CDH13: variants seen among roughly 807,000 people sequenced by gnomAD.
CDH13 encodes cadherin 13.
A neutral mutation model predicts 63.8 loss-of-function variants in CDH13; 24 were observed. The observed-to-expected ratio is 0.38, with a 90% CI of 0.27 to 0.53. CDH13 has a LOEUF of 0.53. Ranked by LOEUF, CDH13 falls within the 20% of genes least tolerant of loss-of-function variation. CDH13 has a pLI of 0.85. For missense variants in CDH13, 1,049 were observed against 903.1 expected, an observed-to-expected ratio of 1.16 and a Z score of -2.07; for synonymous variants, 503 against 355.3, an observed-to-expected ratio of 1.42 and a Z score of -4.67.
At chr16:83,049,778 T>C (rs2030082921) in intron 3 of CDH13, among the ~76,000 whole-genome samples, 2 of 152,212 alleles carry the variant, frequency 1.3e-5, no homozygotes, top group Admixed American at 1.3e-4. Flanking sequence ...TGGGCTTTTT[T>C]GACTGTTATG....
chr16:83,745,287 G>T (rs907475962), intron 10 of CDH13, among the ~76,000 whole-genome samples: 20 of 152,182 alleles, frequency 1.3e-4, no homozygotes, highest in African/African-American at 2.9e-4. Context: ...CAGTTTGGGG[G>T]TCTGGTACAT....
chr16:83,625,115 C>A (rs1240729423), intron 8 of CDH13, among the ~76,000 whole-genome samples: 1 of 151,998 alleles, frequency 6.6e-6, no homozygotes, highest in African/African-American at 2.4e-5. Context: ...CAGCACAATA[C>A]TGTGGGTTAG....
At chr16:83,486,861 G>A (rs761292673) in intron 7 of CDH13, among the ~76,000 whole-genome samples, 3 of 152,082 alleles carry the variant, frequency 2.0e-5, no homozygotes, top group South Asian at 2.1e-4. Flanking sequence ...AGGCTAAAGC[G>A]CCTGGAACTG....
chr16:83,631,154 C>T (rs1022786979), intron 8 of CDH13, among the ~76,000 whole-genome samples: 12 of 152,172 alleles, frequency 7.9e-5, no homozygotes, highest in African/African-American at 1.9e-4. Context: ...ATGCAGTCAA[C>T]GAGCGCAAGT....
At chr16:82,758,333 G>A (rs971390694) in intron 1 of CDH13, among the ~76,000 whole-genome samples, 1 of 152,178 alleles carries the variant, frequency 6.6e-6, no homozygotes, top group African/African-American at 2.4e-5. Flanking sequence ...TCCTGGAAAT[G>A]GGAAGTTGAT....
At chr16:83,273,967 T>C (rs111932416) in intron 5 of CDH13, among the ~76,000 whole-genome samples, 10,453 of 152,236 alleles carry the variant, frequency 0.069, 428 homozygotes, top group East Asian at 0.14. Context: ...TAGGCGGCAG[T>C]GCAGGTTTTG....
At chr16:83,401,032 G>C (rs186643090) in intron 6 of CDH13, among the ~76,000 whole-genome samples, 1 of 152,058 alleles carries the variant, frequency 6.6e-6, no homozygotes, top group African/African-American at 2.4e-5. Context: ...GTGAAACCCC[G>C]TCTGTGCTTA....
chr16:82,696,103 G>T (rs1413085957), intron 1 of CDH13, among the ~76,000 whole-genome samples: 2 of 152,164 alleles, frequency 1.3e-5, no homozygotes, highest in African/African-American at 2.4e-5. Context: ...CCCTAGATTT[G>T]TGTTAATCTT....
At chr16:83,612,749 G>A (rs1160418847) in intron 8 of CDH13, among the ~76,000 whole-genome samples, 1 of 152,056 alleles carries the variant, frequency 6.6e-6, no homozygotes, top group African/African-American at 2.4e-5. Flanking sequence ...CTAACATCAA[G>A]TAGAATTTTT....
intron 8 of CDH13, among the ~76,000 whole-genome samples, chr16:83,665,497 C>G (rs1370681748): frequency 1.3e-5 from 2 of 152,120 alleles, no homozygotes; most frequent in Non-Finnish European, 2.9e-5. Context: ...AACATAGACT[C>G]AAAAATGTTT....
At chr16:83,019,630 G>A (rs1367955917) in intron 2 of CDH13, among the ~76,000 whole-genome samples, 6 of 150,994 alleles carry the variant, frequency 4.0e-5, no homozygotes, top group African/African-American at 1.5e-4. Flanking sequence ...CGGTTAGTTG[G>A]GACCACAGGC....
chr16:83,633,228 A>C (rs1425238763), intron 8 of CDH13, among the ~76,000 whole-genome samples: 5 of 151,748 alleles, frequency 3.3e-5, no homozygotes, highest in Non-Finnish European at 5.9e-5. Context: ...TCTCAGCCTT[A>C]TTTTACCCAG....
At chr16:83,529,668 A>C (rs2075039656) in intron 7 of CDH13, among the ~76,000 whole-genome samples, 1 of 152,178 alleles carries the variant, frequency 6.6e-6, no homozygotes, top group Non-Finnish European at 1.5e-5. Context: ...CTGTTTTCTG[A>C]GTAATATAAA....
intron 4 of CDH13, among the ~76,000 whole-genome samples, chr16:83,144,225 A>T (rs2036653001): frequency 6.6e-6 from 1 of 152,156 alleles, no homozygotes. Flanking sequence ...TGAGGAAGTG[A>T]CACAGGCTTG....
At chr16:82,932,051 T>C (rs924221592) in intron 2 of CDH13, among the ~76,000 whole-genome samples, 2 of 152,060 alleles carry the variant, frequency 1.3e-5, no homozygotes, top group Non-Finnish European at 2.9e-5. Flanking sequence ...AAAATCACTG[T>C]AGTTAGTGGG....
At chr16:83,339,340 C>G (rs1344721358) in intron 5 of CDH13, among the ~76,000 whole-genome samples, 2 of 152,126 alleles carry the variant, frequency 1.3e-5, no homozygotes, top group African/African-American at 2.4e-5. Context: ...CTCAAAAATC[C>G]TTGCCTCCAA....
At chr16:83,624,019 G>A (rs910143863) in intron 8 of CDH13, among the ~76,000 whole-genome samples, 2 of 152,178 alleles carry the variant, frequency 1.3e-5, no homozygotes, top group African/African-American at 2.4e-5. Flanking sequence ...ACTCATCACT[G>A]GGGGAGGTTC....
At chr16:82,986,998 A>T (rs1911025407) in intron 2 of CDH13, among the ~76,000 whole-genome samples, 1 of 152,220 alleles carries the variant, frequency 6.6e-6, no homozygotes, top group African/African-American at 2.4e-5. Context: ...TCTTGATGGA[A>T]TTAGAATTTA....
intron 3 of CDH13, among the ~76,000 whole-genome samples, chr16:83,122,033 A>G (rs1375577452): frequency 6.6e-6 from 1 of 152,056 alleles, no homozygotes; most frequent in Non-Finnish European, 1.5e-5. Context: ...GAATGAAACT[A>G]TCATTTATCA....
Sources: gnomAD v4.1 joint callset for allele counts (sites outside exome capture counted in the v4.1 genomes callset) on GRCh38, gnomAD v4.1.1 for gene constraint, MANE v1.5 for transcripts, NCBI Gene and HGNC (gene_info 2026-07-23, HGNC 2026-07-21) for gene names.